The following CYP4X1 variants were observed in gnomAD, a reference collection of about 807,000 sequenced individuals.
CYP4X1 encodes cytochrome P450 family 4 subfamily X member 1.
A neutral mutation model predicts 57.9 loss-of-function variants in CYP4X1; 44 were observed. That is an observed-to-expected ratio of 0.76 (90% CI 0.60 to 0.98). The LOEUF is 0.98. CYP4X1 is among the 50% of genes least tolerant of loss of function. The probability of loss-of-function intolerance (pLI) is 0.00; values close to 1 mark genes in which losing one functional copy is unlikely to be tolerated. For synonymous variants in CYP4X1, 227 were observed against 228.6 expected (o/e 0.99, Z 0.06); for missense variants, 532 against 623.9 (o/e 0.85, Z 1.57).
At chr1:47,012,961 T>A in the CYP4X1 span, among the ~76,000 whole-genome samples, 1 of 152,226 alleles carries the variant, frequency 6.6e-6, no homozygotes, top group South Asian at 2.1e-4. Context: ...AAACATTTTT[T>A]TTCCTACGTT....
chr1:47,011,082 A>C, the CYP4X1 span, among the ~76,000 whole-genome samples: 1 of 152,336 alleles, frequency 6.6e-6, no homozygotes, highest in Admixed American at 6.5e-5. Flanking sequence ...AGAACCAAAA[A>C]ACAGCCCGCA....
chr1:47,050,258 A>G lies in CYP4X1; in HGVS notation c.*84A>G. On this transcript the variant is annotated 3_prime_UTR_variant, in exon 12 of 12. Coordinates refer to ENST00000371901, the MANE Select transcript of CYP4X1 (RefSeq NM_178033.2). The stretch of plus-strand genomic sequence containing the variant: ...GATCCAAGCAGATAGAAAGGGATCA[A>G]TGTATGGTGGGAGGATTGGAGGTTG... 6.7e-7 allele frequency: 1 copy of G among 1,486,158 alleles called. No homozygotes were observed. The highest frequency in any genetic ancestry group is 9.2e-7 in the Non-Finnish European group (1 of 1,081,630). 92.1% of individuals were successfully genotyped at this position (1,486,158 alleles called of 1,614,324 possible).
chr1:46,997,457 A>G, the CYP4X1 span, among the ~76,000 whole-genome samples: 5 of 152,168 alleles, frequency 3.3e-5, no homozygotes, highest in African/African-American at 1.2e-4. Flanking sequence ...CCCACTTACA[A>G]GTAATAACAT....
chr1:47,003,485 G>A, the CYP4X1 span, among the ~76,000 whole-genome samples: 1 of 152,136 alleles, frequency 6.6e-6, no homozygotes, highest in African/African-American at 2.4e-5. Flanking sequence ...CTGAGGCTAA[G>A]AGTAATTTAT....
At chr1:46,962,676 T>C in the CYP4X1 span, among the ~76,000 whole-genome samples, 3 of 152,234 alleles carry the variant, frequency 2.0e-5, no homozygotes, top group African/African-American at 7.2e-5. Flanking sequence ...TCCAACTATG[T>C]GGTCAATTTT....
At chr1:46,986,385 G>A in the CYP4X1 span, among the ~76,000 whole-genome samples, 1 of 152,188 alleles carries the variant, frequency 6.6e-6, no homozygotes, top group Admixed American at 6.5e-5. Context: ...CAGACTATGT[G>A]AAAAGACCAA....
the CYP4X1 span, among the ~76,000 whole-genome samples, chr1:46,991,829 G>A: frequency 6.6e-6 from 1 of 152,184 alleles, no homozygotes; most frequent in Non-Finnish European, 1.5e-5. Flanking sequence ...GCGTGGGAAG[G>A]AGGAGGCTTT....
the CYP4X1 span, among the ~76,000 whole-genome samples, chr1:47,012,145 A>T: frequency 6.6e-6 from 1 of 152,348 alleles, no homozygotes; most frequent in East Asian, 1.9e-4. Flanking sequence ...AATAGCAAAG[A>T]CTTGGAACCA....
chr1:47,037,539 G>T (rs1304707401), intron 6 of CYP4X1, among the ~76,000 whole-genome samples: 1 of 151,920 alleles, frequency 6.6e-6, no homozygotes, highest in Non-Finnish European at 1.5e-5. Context: ...CTATTCCAGG[G>T]TTTCTCAACC....
At chr1:46,974,816 A>G in the CYP4X1 span, among the ~76,000 whole-genome samples, 1 of 152,086 alleles carries the variant, frequency 6.6e-6, no homozygotes, top group Non-Finnish European at 1.5e-5. Context: ...CTTTGAGCCT[A>G]TGGATGTCCT....
intron 1 of CYP4X1, 59 bp downstream of exon 1, chr1:47,024,053 G>C (rs1314272069): frequency 1.3e-6 from 2 of 1,542,614 alleles, no homozygotes; most frequent in Admixed American, 3.8e-5. Flanking sequence ...ATGCGGCAGA[G>C]GAGCCCAGCC....
rs570144882 is a variant in CYP4X1 at position 47,024,574 on chromosome 1, A to C, written c.177+580A>C. ...ACTCCCACCCCTAATTAAGGTTTTT[A>C]TTCATTCAACCGACTCTGAGTGGCA... On this transcript the variant is annotated intron_variant, in intron 1 of 11. Transcript: ENST00000371901. Among the ~76,000 whole-genome samples the C allele has an allele frequency of 3.9e-5, 6 of 152,234 alleles. No individual in the cohort carries two copies. In the South Asian group the frequency reaches 1.2e-3, roughly 32 times the overall value.
At chr1:46,972,674 G>A in the CYP4X1 span, among the ~76,000 whole-genome samples, 1 of 152,026 alleles carries the variant, frequency 6.6e-6, no homozygotes, top group Non-Finnish European at 1.5e-5. Flanking sequence ...TGTATTCCTA[G>A]GTATTTTATT....
chr1:46,985,804 A>G, the CYP4X1 span, among the ~76,000 whole-genome samples: 1 of 152,188 alleles, frequency 6.6e-6, no homozygotes, highest in Non-Finnish European at 1.5e-5. Flanking sequence ...AAACAAATAA[A>G]CAGAAAGGAA....
At chr1:47,005,183 A>T in the CYP4X1 span, among the ~76,000 whole-genome samples, 1 of 152,168 alleles carries the variant, frequency 6.6e-6, no homozygotes, top group Non-Finnish European at 1.5e-5. Flanking sequence ...GTCTAGTACT[A>T]AGCAGTCCTT....
At chr1:47,031,579 C>A in intron 3 of CYP4X1, 99 bp downstream of exon 3, 1 of 1,348,068 alleles carries the variant, frequency 7.4e-7, no homozygotes, top group Non-Finnish European at 1.1e-6. Context: ...TTCAAAAGCA[C>A]AAAGAGTGCA....
Position 47,050,448 on chromosome 1 carries a change from T to A in CYP4X1, c.*274T>A, listed in dbSNP as rs1426101393. On this transcript the variant is annotated 3_prime_UTR_variant, in exon 12 of 12. Transcript: ENST00000371901. ...CAATAGACTTTCATATATTTTCTGT[T>A]GTTTTTAAAATAGTTTTCAGAATTA... 1 of 243,062 alleles carries A rather than the reference T, an allele frequency of 4.1e-6. No homozygotes were observed. The highest frequency in any genetic ancestry group is 2.3e-5 in the African/African-American group (1 of 44,400). The allele number at this position is 243,062 out of a possible 1,614,324, so 15.1% of individuals were successfully genotyped here. A position where few individuals can be genotyped will look rare whatever the true frequency, so the allele number is the denominator to read the frequency against.
chr1:46,986,591 C>T, the CYP4X1 span, among the ~76,000 whole-genome samples: 3 of 152,002 alleles, frequency 2.0e-5, no homozygotes, highest in Admixed American at 6.5e-5. Flanking sequence ...GTCAGACTCA[C>T]CAAGGTTGAA....
intron 3 of CYP4X1, among the ~76,000 whole-genome samples, chr1:47,032,026 G>C (rs1644130271): frequency 6.6e-6 from 1 of 151,892 alleles, no homozygotes; most frequent in Admixed American, 6.6e-5. Context: ...CTAGGTGACA[G>C]AGCAAAACTC....
Sources: gnomAD v4.1 joint callset for allele counts (sites outside exome capture counted in the v4.1 genomes callset) on GRCh38, gnomAD v4.1.1 for gene constraint, MANE v1.5 for transcripts, NCBI Gene and HGNC (gene_info 2026-07-23, HGNC 2026-07-21) for gene names.